EBF1: variants seen among roughly 807,000 people sequenced by gnomAD.
The protein encoded by EBF1 is EBF transcription factor 1.
EBF1 carries 10 observed loss-of-function variants against 68.4 expected under a neutral mutation model. The ratio of observed to expected loss-of-function variants is 0.15; its 90% CI spans 0.09 to 0.25. The LOEUF (loss-of-function observed/expected upper bound fraction) is 0.25. EBF1 is among the 10% of genes least tolerant of loss of function. The pLI, the probability that EBF1 is intolerant of heterozygous loss-of-function variation, is 1.00. For missense variants in EBF1, 509 were observed against 794.4 expected, an observed-to-expected ratio of 0.64 and a Z score of 4.32; for synonymous variants, 298 against 299.8, an observed-to-expected ratio of 0.99 and a Z score of 0.06.
intron 7 of EBF1, among the ~76,000 whole-genome samples, chr5:158,831,635 T>C (rs989667986): frequency 6.6e-6 from 1 of 152,162 alleles, no homozygotes. Context: ...GAAAGGCTTC[T>C]TTAAGGAAGT....
chr5:159,095,869 G>A (rs1180504511), intron 3 of EBF1, among the ~76,000 whole-genome samples, 194 bp from the exon 4 acceptor site: 1 of 152,252 alleles, frequency 6.6e-6, no homozygotes, highest in Non-Finnish European at 1.5e-5. Flanking sequence ...TGTCCAGAGA[G>A]GTGCTGCTGG....
At chr5:158,777,621 A>G in intron 9 of EBF1, 82 bp from the exon 10 acceptor site, 5 of 1,424,146 alleles carry the variant, frequency 3.5e-6, no homozygotes, top group Non-Finnish European at 3.8e-6. Context: ...CCATAAACAA[A>G]GCTTTAAAAC....
At chr5:159,004,492 T>A (rs1408341267) in intron 6 of EBF1, among the ~76,000 whole-genome samples, 1 of 152,008 alleles carries the variant, frequency 6.6e-6, no homozygotes, top group Non-Finnish European at 1.5e-5. Context: ...CAGAACACTA[T>A]CATTTTGCTA....
At chr5:158,767,174 A>G (rs1157562456) in intron 10 of EBF1, among the ~76,000 whole-genome samples, 2 of 152,152 alleles carry the variant, frequency 1.3e-5, no homozygotes, top group African/African-American at 4.8e-5. Context: ...TCTTCCTTCT[A>G]TATGGTTTCT....
chr5:158,981,482 T>C (rs1757892560), intron 6 of EBF1, among the ~76,000 whole-genome samples: 1 of 152,212 alleles, frequency 6.6e-6, no homozygotes, highest in Non-Finnish European at 1.5e-5. Context: ...AGAGGTTCTC[T>C]CTGCTTTAGG....
intron 9 of EBF1, among the ~76,000 whole-genome samples, chr5:158,781,555 C>G (rs1383580929): frequency 6.6e-6 from 1 of 152,118 alleles, no homozygotes; most frequent in Admixed American, 6.6e-5. Flanking sequence ...ATGACCCAAG[C>G]TAAATTTATC....
rs566155640 is a variant in EBF1 at position 158,816,405 on chromosome 5, C to T, written c.778+6771G>A. The stretch of plus-strand genomic sequence containing the variant: ...TGCACATGGACAAGTACAAAGAGTG[C>T]TGAATGGATTTTGAGAGAAACAAGC... On this transcript the variant is annotated intron_variant, in intron 8 of 15. Coordinates refer to ENST00000313708, the MANE Select transcript of EBF1 (RefSeq NM_024007.5). Among the ~76,000 whole-genome samples the T allele has an allele frequency of 1.9e-4, 29 of 152,322 alleles. No homozygotes were observed. In the East Asian group the frequency reaches 5.2e-3, roughly 27 times the overall value.
At chr5:158,728,226 C>T (rs1432140027) in intron 11 of EBF1, among the ~76,000 whole-genome samples, 1 of 152,180 alleles carries the variant, frequency 6.6e-6, no homozygotes, top group Admixed American at 6.5e-5. Flanking sequence ...GGCTCTGAGT[C>T]ACACTGAGAG....
At chr5:158,858,787 C>T (rs976029913) in intron 6 of EBF1, among the ~76,000 whole-genome samples, 1 of 152,112 alleles carries the variant, frequency 6.6e-6, no homozygotes. Flanking sequence ...GATGGGGGCT[C>T]AGAGGAAAGG....
At chr5:158,835,596 G>T (rs749666900) in intron 7 of EBF1, among the ~76,000 whole-genome samples, 11 of 152,124 alleles carry the variant, frequency 7.2e-5, no homozygotes, top group Non-Finnish European at 1.6e-4. Flanking sequence ...GCACATATTT[G>T]TGGGGGGTCA....
At chr5:159,032,114 A>G (rs1769033491) in intron 6 of EBF1, among the ~76,000 whole-genome samples, 1 of 152,156 alleles carries the variant, frequency 6.6e-6, no homozygotes, top group Non-Finnish European at 1.5e-5. Context: ...CAATATCAAC[A>G]GGTGTAACAA....
rs190417361 is a variant in EBF1 at position 159,001,379 on chromosome 5, G to A, written c.554+72017C>T. On this transcript the variant is annotated intron_variant, in intron 6 of 15. Transcript: ENST00000313708. ...AATTTTTAAAAGTGTAAAGGAGTCT[G>A]AGGCCAAAAGATTTCAAAATCACTG... 1.6e-3 allele frequency among the ~76,000 whole-genome samples: 250 copies of A among 152,244 alleles called. 2 individuals are homozygous for A. Among genetic ancestry groups the A allele is most frequent in the Non-Finnish European group, 2.9e-3 (199 of 67,992 alleles).
In EBF1 at chr5:158,968,806, G is replaced by A. The variant is rs917599685; in HGVS notation, c.554+104590C>T. On this transcript the variant is annotated intron_variant, in intron 6 of 15. Coordinates refer to ENST00000313708, the MANE Select transcript of EBF1 (RefSeq NM_024007.5). ...CAACACTAATAGCTATGTATTCCAAGTAAAATTTACAATGAGAAAATATGC... is the reference window on the plus strand; with the variant it reads ...CAACACTAATAGCTATGTATTCCAAATAAAATTTACAATGAGAAAATATGC... 2.0e-5 allele frequency among the ~76,000 whole-genome samples: 3 copies of A among 152,248 alleles called. No individual in the cohort carries two copies. In the East Asian group the frequency reaches 5.8e-4, roughly 29 times the overall value.
rs1429054849 is a variant in EBF1 at position 158,978,809 on chromosome 5, C to CAT, written c.554+94586_554+94587insAT. On this transcript the variant is annotated intron_variant, in intron 6 of 15. Transcript: ENST00000313708. ...ACACACACACACATACACACACACA[C>CAT]ACACACACACACACACACACACACA... 2.1e-3 allele frequency among the ~76,000 whole-genome samples: 312 copies of CAT among 146,688 alleles called. 2 individuals carry two copies. The highest frequency in any genetic ancestry group is 7.8e-3 in the African/African-American group (298 of 38,020).
intron 6 of EBF1, among the ~76,000 whole-genome samples, chr5:158,900,626 C>A (rs888849651): frequency 5.9e-5 from 9 of 152,154 alleles, no homozygotes; most frequent in Non-Finnish European, 1.2e-4. Flanking sequence ...CAGGGAGGAT[C>A]CCCTGAAGCA....
intron 7 of EBF1, among the ~76,000 whole-genome samples, chr5:158,825,597 C>A (rs1458656273): frequency 2.0e-5 from 3 of 151,730 alleles, no homozygotes. Context: ...GTCATCTAAT[C>A]CTACATTGAA....
intron 9 of EBF1, among the ~76,000 whole-genome samples, chr5:158,793,364 T>C (rs1454308754): frequency 7.9e-5 from 12 of 152,224 alleles, no homozygotes; most frequent in Admixed American, 7.9e-4. Context: ...TTAATATTTT[T>C]CTGCTTCTAC....
At chr5:159,078,926 C>T (rs936794792) in intron 5 of EBF1, among the ~76,000 whole-genome samples, 2 of 152,166 alleles carry the variant, frequency 1.3e-5, no homozygotes, top group South Asian at 2.1e-4. Flanking sequence ...GTCATGGAAT[C>T]GGCAGATCCT....
chr5:158,801,934 C>A (rs1376750139), intron 8 of EBF1, among the ~76,000 whole-genome samples: 2 of 152,136 alleles, frequency 1.3e-5, no homozygotes, highest in Admixed American at 6.6e-5. Context: ...TCTTTATTAG[C>A]AAGGTGAATT....
Sources: allele counts gnomAD v4.1 joint callset (sites outside exome capture counted in the v4.1 genomes callset), GRCh38; gene constraint gnomAD v4.1.1; transcripts MANE v1.5; gene names NCBI Gene and HGNC (gene_info 2026-07-23, HGNC 2026-07-21).